C19orf38: variants seen among roughly 807,000 people sequenced by gnomAD.
C19orf38 encodes chromosome 19 open reading frame 38, also known as protein HIDE1.
C19orf38 carries 14 observed loss-of-function variants against 26.6 expected under a neutral mutation model. The ratio of observed to expected loss-of-function variants is 0.53; its 90% confidence interval spans 0.35 to 0.82. The LOEUF is 0.82. C19orf38 is among the 40% of genes least tolerant of loss of function. C19orf38 has a pLI of 0.01. For synonymous variants in C19orf38, 132 were observed against 128.5 expected, an observed-to-expected ratio of 1.03 and a Z score of -0.18; for missense variants, 261 against 299.5, an observed-to-expected ratio of 0.87 and a Z score of 0.95.
upstream of C19orf38, among the ~76,000 whole-genome samples, chr19:10,848,152 C>T (rs1482823627): frequency 6.6e-6 from 1 of 152,146 alleles, no homozygotes; most frequent in African/African-American, 2.4e-5. Context: ...GATCGCTCCA[C>T]TGCACTCCAG....
intron 2 of C19orf38, among the ~76,000 whole-genome samples, chr19:10,854,582 G>A (rs950735930): frequency 3.9e-5 from 6 of 152,134 alleles, no homozygotes; most frequent in African/African-American, 1.2e-4. Context: ...CTGACATTGT[G>A]AGAATACCAA....
At chr19:10,856,708 T>C (rs2146261789) in intron 3 of C19orf38, among the ~76,000 whole-genome samples, 1 of 152,122 alleles carries the variant, frequency 6.6e-6, no homozygotes, top group Middle Eastern at 3.4e-3. Flanking sequence ...TTTGCCATGT[T>C]GCCCAAGCTG....
chr19:10,864,136 C>T (rs1477085770), intron 6 of C19orf38, among the ~76,000 whole-genome samples: 1 of 151,416 alleles, frequency 6.6e-6, no homozygotes, highest in Non-Finnish European at 1.5e-5. Flanking sequence ...TCTCGGCTCA[C>T]ACAACTTCCG....
In C19orf38 at chr19:10,850,387, G is replaced by A. The variant is rs534745530; in HGVS notation, c.160G>A (p.Gly54Arg). ...FPGANFTLYR[G>R]GQVVQLLQAP... ...GGGGGCGAATTTCACACTGTATCGA[G>A]GGGGGCAGGTGGTCCAGCTCCTGCA... Residue 54 changes from glycine (G) to arginine (R), a missense_variant, in exon 2 of 7, where the codon GGG becomes AGG. By Grantham distance (125) the Gly-to-Arg change is moderately radical. Coordinates refer to ENST00000397820, the MANE Select transcript of C19orf38 (RefSeq NM_001136482.3). 4 of 1,550,942 alleles carry A rather than the reference G, an allele frequency of 2.6e-6. No individual in the cohort carries two copies. Among genetic ancestry groups the A allele is most frequent in the Admixed American group, 3.9e-5 (2 of 50,894 alleles).
chr19:10,843,676 G>A (rs1196551582), upstream of C19orf38, among the ~76,000 whole-genome samples: 10 of 152,214 alleles, frequency 6.6e-5, no homozygotes, highest in Admixed American at 4.6e-4. Context: ...AGCCACAGAA[G>A]TGGCTTGAAT....
intron 1 of C19orf38, among the ~76,000 whole-genome samples, chr19:10,841,327 T>G (rs898038899): frequency 7.9e-5 from 12 of 151,826 alleles, no homozygotes; most frequent in Admixed American, 1.3e-4. Flanking sequence ...TACAAAATAA[T>G]AAAATATTAG....
intron 1 of C19orf38, 27 bp from the exon 2 acceptor site, chr19:10,850,232 C>G: frequency 2.0e-6 from 3 of 1,528,216 alleles, no homozygotes; most frequent in Non-Finnish European, 2.6e-6. Flanking sequence ...CACCACGCAC[C>G]CACCCACCTT....
intron 2 of C19orf38, among the ~76,000 whole-genome samples, chr19:10,851,677 A>C (rs957752353): frequency 6.6e-6 from 1 of 152,114 alleles, no homozygotes; most frequent in Admixed American, 6.6e-5. Context: ...TATTAAAAAT[A>C]CAAAAAATAG....
chr19:10,857,823 G>A (rs2073645025), intron 3 of C19orf38, among the ~76,000 whole-genome samples: 1 of 151,520 alleles, frequency 6.6e-6, no homozygotes, highest in African/African-American at 2.4e-5. Flanking sequence ...AGAGGTTGCA[G>A]TGAGTCAAGA....
chr19:10,869,274 C>T lies in C19orf38; in HGVS notation c.600C>T (p.Ala200=), dbSNP rs1240268057. 10 of 1,551,546 alleles carry T rather than the reference C, an allele frequency of 6.4e-6. No individual in the cohort carries two copies. The highest frequency in any genetic ancestry group is 2.0e-5 in the Admixed American group (1 of 50,968). Residue 200 remains alanine, a synonymous_variant, in exon 7 of 7, where the codon GCC becomes GCT. Transcript: ENST00000397820. ...TGGATGATCACTCAGGCACCACTGCCACCCCCAGCAACTCCAGGACCCGGA... is the reference window on the plus strand; with the variant it reads ...TGGATGATCACTCAGGCACCACTGCTACCCCCAGCAACTCCAGGACCCGGA... ...ATLDDHSGTT[A]TPSNSRTRKR...
At chr19:10,856,572 C>T (rs1421564577) in intron 3 of C19orf38, among the ~76,000 whole-genome samples, 1 of 150,098 alleles carries the variant, frequency 6.7e-6, no homozygotes, top group African/African-American at 2.5e-5. Context: ...GGCACGATCT[C>T]GGCCCACTGC....
At chr19:10,853,063 T>A (rs556740375) in intron 2 of C19orf38, among the ~76,000 whole-genome samples, 31 of 149,994 alleles carry the variant, frequency 2.1e-4, no homozygotes, top group Admixed American at 8.7e-4. Flanking sequence ...AAAAAAAAAA[T>A]TATTTTATTT....
Position 10,868,091 on chromosome 19 carries a change from T to C in C19orf38, c.544-1127T>C, listed in dbSNP as rs112402283. ...CAGAACCGTGCCATGACCATGGGTA[T>C]GCAAATTTCTTTTGGAGTCTCTGCT... On this transcript the variant is annotated intron_variant, in intron 6 of 6. Transcript: ENST00000397820. Among the ~76,000 whole-genome samples the C allele has an allele frequency of 1.6e-3, 237 of 152,110 alleles. 1 individual carries two copies. The highest frequency in any genetic ancestry group is 5.1e-3 in the African/African-American group (211 of 41,394).
chr19:10,865,296 G>A (rs904912162), intron 6 of C19orf38, among the ~76,000 whole-genome samples: 1 of 152,036 alleles, frequency 6.6e-6, no homozygotes, highest in African/African-American at 2.4e-5. Flanking sequence ...ACAGGCGCCT[G>A]CCATCGCGCC....
intron 6 of C19orf38, among the ~76,000 whole-genome samples, chr19:10,868,298 A>G (rs951888107): frequency 3.3e-5 from 5 of 152,188 alleles, no homozygotes; most frequent in African/African-American, 9.6e-5. Context: ...ACTGAGGCTG[A>G]TAATGGGCCT....
At chr19:10,863,601 G>A (rs936558959) in intron 6 of C19orf38, among the ~76,000 whole-genome samples, 1 of 152,180 alleles carries the variant, frequency 6.6e-6, no homozygotes, top group African/African-American at 2.4e-5. Context: ...GTGACAGGCT[G>A]TGGTCGGTCC....
At chr19:10,841,942 A>G in intron 1 of C19orf38, 1 of 1,609,150 alleles carries the variant, frequency 6.2e-7, no homozygotes, top group East Asian at 2.2e-5. Context: ...TTTGTCACGA[A>G]TGGGAAGCCA....
chr19:10,841,791 A>G (rs565503869), intron 1 of C19orf38: 1 of 984,610 alleles, frequency 1.0e-6, no homozygotes, highest in South Asian at 1.3e-5. Flanking sequence ...TGGGCAGCAT[A>G]GTGAGATCCC....
Position 10,863,221 on chromosome 19 carries a change from TTTCTTGGAAC to T in C19orf38, c.543+15_543+24del, listed in dbSNP as rs1449048710. ...ACCGTCTCCGCGGTGAGTGGTTCTT[TTTCTTGGAAC>T]CGGTTTTCTGCTGACCGTCCTACCG... On this transcript the variant is annotated intron_variant, in intron 6 of 6. Transcript: ENST00000397820. 4 of 1,550,470 alleles carry T rather than the reference TTTCTTGGAAC, an allele frequency of 2.6e-6. No homozygotes were observed. The highest frequency in any genetic ancestry group is 2.6e-6 in the Non-Finnish European group (3 of 1,146,098).
Sources: allele counts gnomAD v4.1 joint callset (sites outside exome capture counted in the v4.1 genomes callset), GRCh38; gene constraint gnomAD v4.1.1; transcripts MANE v1.5; gene names NCBI Gene and HGNC (gene_info 2026-07-23, HGNC 2026-07-21).